CNTLN: variants seen among roughly 807,000 people sequenced by gnomAD.
The protein encoded by CNTLN is centlein.
In CNTLN, 212 loss-of-function variants were observed where a neutral mutation model predicts 180.0. The ratio of observed to expected loss-of-function variants is 1.18; its 90% confidence interval spans 1.05 to 1.32. The LOEUF is 1.32. Ranked by LOEUF, CNTLN falls within the 40% of genes most tolerant of loss-of-function variation. CNTLN has a pLI of 0.00. For missense variants in CNTLN, 2,095 were observed against 1,610.9 expected, an observed-to-expected ratio of 1.30 and a Z score of -5.14; for synonymous variants, 722 against 563.1, an observed-to-expected ratio of 1.28 and a Z score of -3.99.
chr9:17,441,467 A>T (rs969053226), intron 18 of CNTLN, among the ~76,000 whole-genome samples: 3 of 152,258 alleles, frequency 2.0e-5, no homozygotes, highest in Non-Finnish European at 2.9e-5. Context: ...GATTGAAGTT[A>T]TGTTGTTATG....
intron 3 of CNTLN, among the ~76,000 whole-genome samples, chr9:17,233,727 A>G (rs530060849): frequency 1.0e-5 from 1 of 98,820 alleles, no homozygotes; most frequent in Non-Finnish European, 1.9e-5. Flanking sequence ...AAATTGATCT[A>G]GTTACATTCA....
chr9:17,448,750 T>C (rs181654327), intron 18 of CNTLN, among the ~76,000 whole-genome samples: 4 of 152,276 alleles, frequency 2.6e-5, no homozygotes, highest in Admixed American at 2.0e-4. Flanking sequence ...ATCTTTAAAT[T>C]GGGATGGATT....
intron 18 of CNTLN, among the ~76,000 whole-genome samples, chr9:17,419,898 T>A (rs1828573310): frequency 6.6e-6 from 1 of 152,178 alleles, no homozygotes; most frequent in African/African-American, 2.4e-5. Flanking sequence ...TATACAGTGT[T>A]ATTTTTATTG....
intron 2 of CNTLN, among the ~76,000 whole-genome samples, chr9:17,182,714 C>G (rs1821195535): frequency 6.6e-6 from 1 of 152,202 alleles, no homozygotes; most frequent in Admixed American, 6.5e-5. Context: ...TGCCACTTCT[C>G]TTACCCTTAT....
At chr9:17,479,867 G>GA (rs764723235) in intron 23 of CNTLN, among the ~76,000 whole-genome samples, 2 of 152,036 alleles carry the variant, frequency 1.3e-5, no homozygotes, top group African/African-American at 4.8e-5. Flanking sequence ...GACTATGATA[G>GA]AAAAAAAGAT....
chr9:17,398,941 A>G (rs977496253), intron 15 of CNTLN, among the ~76,000 whole-genome samples: 2 of 152,208 alleles, frequency 1.3e-5, no homozygotes, highest in African/African-American at 4.8e-5. Flanking sequence ...CCAAAAAGGG[A>G]TAAAAACTAA....
chr9:17,287,481 G>A (rs996762692), intron 6 of CNTLN, among the ~76,000 whole-genome samples: 6 of 150,996 alleles, frequency 4.0e-5, no homozygotes, highest in African/African-American at 9.7e-5. Flanking sequence ...TTTTGGTTGT[G>A]TCTCTGCCCG....
intron 13 of CNTLN, among the ~76,000 whole-genome samples, chr9:17,370,009 A>C (rs1360202924): frequency 6.6e-6 from 1 of 152,002 alleles, no homozygotes; most frequent in African/African-American, 2.4e-5. Context: ...AAGAAAATAC[A>C]CAGAGGAGAT....
chr9:17,195,853 T>C (rs993690383), intron 2 of CNTLN, among the ~76,000 whole-genome samples: 6 of 152,194 alleles, frequency 3.9e-5, no homozygotes, highest in Non-Finnish European at 8.8e-5. Flanking sequence ...AAGGATACTT[T>C]TTCTGTGATG....
chr9:17,457,676 C>T lies in CNTLN; in HGVS notation c.3267C>T (p.Ser1089=). 1 of 1,513,836 alleles carries T rather than the reference C, an allele frequency of 6.6e-7. No homozygotes were observed. Among genetic ancestry groups the T allele is most frequent in the Non-Finnish European group, 8.9e-7 (1 of 1,129,662 alleles). The allele number at this position is 1,513,836 out of a possible 1,614,324, so 93.8% of individuals were successfully genotyped here. Residue 1089 remains serine, a synonymous_variant, in exon 19 of 26, where the codon AGC becomes AGT. Coordinates refer to ENST00000380647, the MANE Select transcript of CNTLN (RefSeq NM_017738.4). ...IQVTSLSPSR[S]MDLEMKQLQY... ...TTACATCACTTAGTCCTTCAAGGAG[C>T]ATGGATTTGGAAATGAAGCAATTGC...
At chr9:17,422,996 G>A (rs2133933752) in intron 18 of CNTLN, among the ~76,000 whole-genome samples, 1 of 152,316 alleles carries the variant, frequency 6.6e-6, no homozygotes, top group East Asian at 1.9e-4. Context: ...GGTGGGCTTA[G>A]GTAAGATCCA....
At chr9:17,294,236 G>C (rs1303957258) in intron 6 of CNTLN, among the ~76,000 whole-genome samples, 2 of 152,044 alleles carry the variant, frequency 1.3e-5, no homozygotes, top group African/African-American at 4.8e-5. Flanking sequence ...TGTGGAAGGG[G>C]ACCCAAGGGG....
At chr9:17,415,928 C>G (rs772463472) in intron 17 of CNTLN, 38 bp from the exon 18 acceptor site, 2 of 1,585,420 alleles carry the variant, frequency 1.3e-6, no homozygotes, top group Non-Finnish European at 8.6e-7. Context: ...CAATTTAAAT[C>G]TAATTTTTAA....
intron 5 of CNTLN, among the ~76,000 whole-genome samples, chr9:17,258,171 G>C (rs1200124980): frequency 6.9e-6 from 1 of 145,878 alleles, no homozygotes; most frequent in Non-Finnish European, 1.5e-5. Context: ...GTAAGGAAGG[G>C]ATCCAGTTTC....
At chr9:17,193,105 T>C (rs1247818828) in intron 2 of CNTLN, among the ~76,000 whole-genome samples, 1 of 152,110 alleles carries the variant, frequency 6.6e-6, no homozygotes, top group Non-Finnish European at 1.5e-5. Flanking sequence ...GATTCAGTTA[T>C]CTCACCGGCT....
chr9:17,362,221 A>T (rs1358165710), intron 12 of CNTLN, among the ~76,000 whole-genome samples: 1 of 152,218 alleles, frequency 6.6e-6, no homozygotes, highest in Non-Finnish European at 1.5e-5. Flanking sequence ...AGCCAAGGAA[A>T]ACTAAGTTGA....
At position 17,159,294 on chromosome 9, in the gene CNTLN, G is replaced by A. The variant is rs141580471; in HGVS notation, c.449+15918G>A. 1.8e-4 allele frequency among the ~76,000 whole-genome samples: 27 copies of A among 152,266 alleles called. No homozygotes were observed. In the East Asian group the frequency reaches 5.0e-3, roughly 28 times the overall value. On this transcript the variant is annotated intron_variant, in intron 2 of 25. Transcript: ENST00000380647. Reference sequence around the variant, plus strand: ...GTCAGTTTCTTTGGAAAGAGATTAGGCCTTGTTTTACATACTGCTTTTCCT... The same window carrying A: ...GTCAGTTTCTTTGGAAAGAGATTAGACCTTGTTTTACATACTGCTTTTCCT...
At chr9:17,438,200 A>G (rs767673213) in intron 18 of CNTLN, among the ~76,000 whole-genome samples, 1 of 152,096 alleles carries the variant, frequency 6.6e-6, no homozygotes, top group Non-Finnish European at 1.5e-5. Flanking sequence ...CTCTCAGGTG[A>G]TTCTGATGTA....
At chr9:17,313,263 C>T (rs1395917268) in intron 8 of CNTLN, among the ~76,000 whole-genome samples, 1 of 152,064 alleles carries the variant, frequency 6.6e-6, no homozygotes, top group Non-Finnish European at 1.5e-5. Flanking sequence ...CTGACAATTT[C>T]TTCCTTTTCA....
Sources: gnomAD v4.1 joint callset for allele counts (sites outside exome capture counted in the v4.1 genomes callset) on GRCh38, gnomAD v4.1.1 for gene constraint, MANE v1.5 for transcripts, NCBI Gene and HGNC (gene_info 2026-07-23, HGNC 2026-07-21) for gene names.